The following MTHFD1L variants were observed in gnomAD, a reference collection of about 807,000 sequenced individuals.
The protein encoded by MTHFD1L is monofunctional C1-tetrahydrofolate synthase, mitochondrial.
MTHFD1L carries 81 observed loss-of-function variants against 119.5 expected under a neutral mutation model. The observed-to-expected ratio is 0.68, with a 90% CI of 0.57 to 0.82. The LOEUF (loss-of-function observed/expected upper bound fraction) is 0.82, where lower values mean the gene tolerates loss of function less well. MTHFD1L is among the 40% of genes least tolerant of loss of function. The pLI is 0.00. For synonymous variants in MTHFD1L, 430 were observed against 475.2 expected (o/e 0.90, Z 1.24); for missense variants, 1,125 against 1,253.4 (o/e 0.90, Z 1.55).
In MTHFD1L at chr6:150,992,404, A is replaced by G. The variant is rs143544164; in HGVS notation, c.2126-17415A>G. On this transcript the variant is annotated intron_variant, in intron 20 of 27. Coordinates refer to ENST00000367321, the MANE Select transcript of MTHFD1L (RefSeq NM_015440.5). ...AAAAGTCTGAAAACCTGATCTGCAT[A>G]AGCTCTGAGTTCATAGGAGTTATGA... Among the ~76,000 whole-genome samples, 6 of 152,332 alleles carry G rather than the reference A, an allele frequency of 3.9e-5. No individual in the cohort carries two copies. The East Asian group carries it at 1.2e-3, about 29-fold the overall frequency.
At chr6:150,967,907 A>G (rs889020459) in intron 19 of MTHFD1L, among the ~76,000 whole-genome samples, 1 of 152,022 alleles carries the variant, frequency 6.6e-6, no homozygotes, top group Non-Finnish European at 1.5e-5. Flanking sequence ...GAGTTCTTCC[A>G]TGATTTACCC....
intron 26 of MTHFD1L, chr6:151,057,354 A>C (rs1476875696): frequency 1.0e-6 from 1 of 985,240 alleles, no homozygotes; most frequent in African/African-American, 1.7e-5. Flanking sequence ...AAGGCCTGAG[A>C]GACCGGCCAG....
chr6:151,073,688 T>TAA (rs59835432), intron 26 of MTHFD1L, among the ~76,000 whole-genome samples: 193 of 149,290 alleles, frequency 1.3e-3, no homozygotes, highest in African/African-American at 4.7e-3. Flanking sequence ...CCTGAAATGA[T>TAA]AAAAAAAAAA....
chr6:151,010,905 G>A (rs1466386673), intron 21 of MTHFD1L, among the ~76,000 whole-genome samples: 1 of 152,200 alleles, frequency 6.6e-6, no homozygotes, highest in Admixed American at 6.6e-5. Flanking sequence ...ACAAGTAGCA[G>A]GTTTGCCATC....
At chr6:151,087,838 GT>G (rs1333526454) in intron 26 of MTHFD1L, among the ~76,000 whole-genome samples, 1 of 152,222 alleles carries the variant, frequency 6.6e-6, no homozygotes, top group African/African-American at 2.4e-5. Flanking sequence ...CTTCATTGTA[GT>G]TAAAATTAGG....
intron 26 of MTHFD1L, among the ~76,000 whole-genome samples, chr6:151,087,401 TAGA>T (rs1793925692): frequency 1.3e-5 from 2 of 152,172 alleles, no homozygotes; most frequent in African/African-American, 2.4e-5. Flanking sequence ...AAGAAATATG[TAGA>T]AGGACTGTCT....
At chr6:150,889,614 A>G (rs539880222) in intron 7 of MTHFD1L, among the ~76,000 whole-genome samples, 14 of 152,252 alleles carry the variant, frequency 9.2e-5, no homozygotes, top group Non-Finnish European at 2.1e-4. Context: ...AAATGGACAC[A>G]TGACAGACCA....
In MTHFD1L at chr6:150,926,318, C is replaced by T. The variant is rs773779062; in HGVS notation, c.1256+23C>T. ...TGGGTAAGACACCATCTAACATCTA[C>T]TTGATCAAGCAGACATATTTACAAA... On this transcript the variant is annotated intron_variant, in intron 11 of 27. Coordinates refer to ENST00000367321, the MANE Select transcript of MTHFD1L (RefSeq NM_015440.5). This position sits in a 1 kb window ranked among gnomAD's most constrained non-coding sequence, Gnocchi z 4.3. The T allele has an allele frequency of 6.3e-7, 1 of 1,591,834 alleles. No individual in the cohort carries two copies. The highest frequency in any genetic ancestry group is 1.1e-5 in the South Asian group (1 of 89,600).
At chr6:150,910,051 GGCACCTGTAATCCCA>G (rs1211855874) in intron 8 of MTHFD1L, among the ~76,000 whole-genome samples, 2 of 150,698 alleles carry the variant, frequency 1.3e-5, no homozygotes, top group African/African-American at 4.9e-5. Context: ...CATGGTGGCA[GGCACCTGTAATCCCA>G]GCTACTTGGG....
chr6:151,085,900 C>T (rs1793744347), intron 26 of MTHFD1L, among the ~76,000 whole-genome samples: 1 of 151,772 alleles, frequency 6.6e-6, no homozygotes, highest in Middle Eastern at 3.2e-3. Flanking sequence ...GGGACTGGGT[C>T]CTGGTCACCT....
In MTHFD1L at chr6:150,956,089, C is replaced by G. The variant is rs1488261911; in HGVS notation, c.1803+18C>G. 1 of 1,607,390 alleles carries G rather than the reference C, an allele frequency of 6.2e-7. No homozygotes were observed. Among genetic ancestry groups the G allele is most frequent in the East Asian group, 2.2e-5 (1 of 44,860 alleles). ...ACCGGCAGGTAGGTGGTGCTTTCTT[C>G]CCGGGTGTGGCTCTGTTCTTACGTT... is the stretch of plus-strand genomic sequence containing the variant. On this transcript the variant is annotated intron_variant, in intron 17 of 27. Coordinates refer to ENST00000367321, the MANE Select transcript of MTHFD1L (RefSeq NM_015440.5).
intron 20 of MTHFD1L, among the ~76,000 whole-genome samples, chr6:150,989,639 G>A (rs1285823989): frequency 6.6e-6 from 1 of 152,156 alleles, no homozygotes; most frequent in Non-Finnish European, 1.5e-5. Flanking sequence ...TAGAGAAAAT[G>A]TCCTACTTAT....
At chr6:150,871,478 A>G (rs1361660225) in intron 1 of MTHFD1L, among the ~76,000 whole-genome samples, 1 of 144,606 alleles carries the variant, frequency 6.9e-6, no homozygotes, top group Non-Finnish European at 1.5e-5. Flanking sequence ...CAAGTACTTG[A>G]TATCAACTAC....
At chr6:150,905,046 T>C (rs1423763708) in intron 7 of MTHFD1L, among the ~76,000 whole-genome samples, 2 of 148,188 alleles carry the variant, frequency 1.3e-5, no homozygotes, top group African/African-American at 5.0e-5. Context: ...CTTTTTTTTT[T>C]TTTTTTTTTT....
chr6:150,889,612 A>G (rs1050619868), intron 7 of MTHFD1L, among the ~76,000 whole-genome samples: 4 of 152,264 alleles, frequency 2.6e-5, no homozygotes, highest in African/African-American at 9.6e-5. Context: ...AAAAATGGAC[A>G]CATGACAGAC....
At chr6:150,888,419 A>G (rs921735665) in intron 7 of MTHFD1L, among the ~76,000 whole-genome samples, 1 of 152,264 alleles carries the variant, frequency 6.6e-6, no homozygotes, top group African/African-American at 2.4e-5. Context: ...GTGATTGAAC[A>G]TGAGAAAGTC....
At chr6:151,096,142 G>C (rs1794879532) in intron 27 of MTHFD1L, among the ~76,000 whole-genome samples, 1 of 152,214 alleles carries the variant, frequency 6.6e-6, no homozygotes, top group South Asian at 2.1e-4. Context: ...TATTTGAACA[G>C]ACAGGTACTT....
At chr6:150,928,492 C>T (rs1245823768) in intron 11 of MTHFD1L, among the ~76,000 whole-genome samples, 4 of 150,024 alleles carry the variant, frequency 2.7e-5, no homozygotes, top group Non-Finnish European at 5.9e-5. Context: ...TTCTTCAAAT[C>T]CTTTTTCCCT....
chr6:150,916,935 A>G (rs1328077376), intron 8 of MTHFD1L, among the ~76,000 whole-genome samples: 1 of 149,308 alleles, frequency 6.7e-6, no homozygotes, highest in East Asian at 2.1e-4. Context: ...CTAATTTTGT[A>G]TTTTTAGTAG....
Sources: allele counts gnomAD v4.1 joint callset (sites outside exome capture counted in the v4.1 genomes callset), GRCh38; gene constraint gnomAD v4.1.1; non-coding constraint Gnocchi (gnomAD v3.1); transcripts MANE v1.5; gene names NCBI Gene and HGNC (gene_info 2026-07-23, HGNC 2026-07-21).